SLC16A2: variants seen among roughly 807,000 people sequenced by gnomAD.
SLC16A2 encodes the protein monocarboxylate transporter 8.
SLC16A2 carries 3 observed loss-of-function variants against 27.2 expected under a neutral mutation model. That is an observed-to-expected ratio of 0.11 (90% CI 0.05 to 0.28). The LOEUF is 0.28. SLC16A2 is among the 10% of genes least tolerant of loss of function. SLC16A2 has a pLI of 1.00. For synonymous variants in SLC16A2, 202 were observed against 187.8 expected (o/e 1.08, Z -0.62); for missense variants, 295 against 458.5 (o/e 0.64, Z 3.26).
chrX:74,508,773 C>T (rs936759018), intron 1 of SLC16A2, among the ~76,000 whole-genome samples: 5 of 111,018 alleles, frequency 4.5e-5, no homozygotes, highest in African/African-American at 9.9e-5. Flanking sequence ...ACATGTGTCA[C>T]GGGGGTTTGT....
At chrX:74,484,998 C>T (rs1929688656) in intron 1 of SLC16A2, among the ~76,000 whole-genome samples, 1 of 111,539 alleles carries the variant, frequency 9.0e-6, no homozygotes, top group Admixed American at 9.5e-5. Flanking sequence ...GAGCAGATCA[C>T]CTGAGGTCGG....
At chrX:74,524,283 T>G (rs1406559416) in intron 2 of SLC16A2, 76 bp from the exon 3 acceptor site, 6 of 1,069,403 alleles carry the variant, frequency 5.6e-6, no homozygotes, top group Non-Finnish European at 7.8e-6. Flanking sequence ...AATGGAAGTC[T>G]CAGGAAGCTG....
At chrX:74,503,706 A>G (rs1926864) in intron 1 of SLC16A2, among the ~76,000 whole-genome samples, 17,774 of 111,149 alleles carry the variant, frequency 0.16, 1,796 homozygotes, top group East Asian at 0.85. Context: ...GTATCCTTGG[A>G]GAAGACATTC....
At chrX:74,464,837 A>G (rs1345086785) in intron 1 of SLC16A2, among the ~76,000 whole-genome samples, 1 of 111,570 alleles carries the variant, frequency 9.0e-6, no homozygotes, top group Admixed American at 9.6e-5. Context: ...TGGGCAACAT[A>G]GCAAGATCTC....
intron 1 of SLC16A2, among the ~76,000 whole-genome samples, chrX:74,476,523 C>G (rs1383134326): frequency 1.3e-4 from 14 of 111,628 alleles, no homozygotes; most frequent in Non-Finnish European, 2.4e-4. Flanking sequence ...TGTTGAATAG[C>G]AGTGGTGAGA....
intron 1 of SLC16A2, among the ~76,000 whole-genome samples, chrX:74,464,156 C>T (rs1929207263): frequency 1.8e-5 from 2 of 112,004 alleles, no homozygotes; most frequent in Non-Finnish European, 3.8e-5. Context: ...GTGTTGATAA[C>T]ACAGTTTGTC....
In SLC16A2 at chrX:74,491,254, C is replaced by T. The variant is rs370331619; in HGVS notation, c.431-29736C>T. ...TTTGGTTTTGTACATTTTAGAGGGG[C>T]ATGAAACATCAATCAAATACATTTA... On this transcript the variant is annotated intron_variant, in intron 1 of 5. Coordinates refer to ENST00000587091, the MANE Select transcript of SLC16A2 (RefSeq NM_006517.5). Among the ~76,000 whole-genome samples, 8 of 112,165 alleles carry T rather than the reference C, an allele frequency of 7.1e-5. No homozygotes were observed. In the East Asian group the frequency reaches 2.0e-3, roughly 28 times the overall value.
chrX:74,428,925 G>A (rs903319108), intron 1 of SLC16A2, among the ~76,000 whole-genome samples: 2 of 111,620 alleles, frequency 1.8e-5, no homozygotes, highest in Non-Finnish European at 3.8e-5. Flanking sequence ...AACTTCCAGA[G>A]ATTTCATACT....
intron 1 of SLC16A2, among the ~76,000 whole-genome samples, chrX:74,501,508 G>A (rs140778479): frequency 0.013 from 1,471 of 111,306 alleles, 22 homozygotes; most frequent in African/African-American, 0.046. Flanking sequence ...TTCATGGGGA[G>A]GTTGTAGAAG....
chrX:74,505,997 G>A (rs765020519), intron 1 of SLC16A2, among the ~76,000 whole-genome samples: 131 of 112,313 alleles, frequency 1.2e-3, no homozygotes, highest in African/African-American at 4.1e-3. Flanking sequence ...TCTGACTCCT[G>A]CTGCTTCTTC....
At chrX:74,511,142 T>C (rs1295636312) in intron 1 of SLC16A2, among the ~76,000 whole-genome samples, 1 of 111,278 alleles carries the variant, frequency 9.0e-6, no homozygotes, top group East Asian at 2.8e-4. Flanking sequence ...AGACAAAATG[T>C]GGAGAGATAA....
At chrX:74,492,479 A>C (rs1929847547) in intron 1 of SLC16A2, among the ~76,000 whole-genome samples, 1 of 110,549 alleles carries the variant, frequency 9.0e-6, no homozygotes, top group Non-Finnish European at 1.9e-5. Context: ...CCCTTGGGAG[A>C]CCATTGACCC....
chrX:74,467,977 A>AAG (rs1929284853), intron 1 of SLC16A2, among the ~76,000 whole-genome samples: 2 of 110,875 alleles, frequency 1.8e-5, no homozygotes, highest in African/African-American at 6.6e-5. Context: ...CCTCCAAACC[A>AAG]CTGTTCATGC....
intron 1 of SLC16A2, among the ~76,000 whole-genome samples, chrX:74,460,653 T>A (rs978873354): frequency 9.0e-6 from 1 of 110,847 alleles, no homozygotes; most frequent in Non-Finnish European, 1.9e-5. Context: ...TTCAGCAGGT[T>A]TTTTGTTTGT....
intron 1 of SLC16A2, among the ~76,000 whole-genome samples, chrX:74,469,376 A>T (rs1929309991): frequency 8.9e-6 from 1 of 111,742 alleles, no homozygotes; most frequent in Non-Finnish European, 1.9e-5. Context: ...TGGTAACTTG[A>T]TGTTTAATAT....
In SLC16A2 at chrX:74,532,775, C is replaced by T. The variant is rs1930590967; in HGVS notation, c.*1222C>T. 1 of 112,374 alleles carries T rather than the reference C, an allele frequency of 8.9e-6. No homozygotes were observed. Among genetic ancestry groups the T allele is most frequent in the Non-Finnish European group, 1.9e-5 (1 of 53,197 alleles). The allele number at this position is 112,374 out of a possible 1,213,427, so 9.3% of individuals were successfully genotyped here. ...GGGAAGCCATCCCAGCCTTTACCAC[C>T]CAATGTGTCTCCCATGCTGGGCATC... On this transcript the variant is annotated 3_prime_UTR_variant, in exon 6 of 6. Transcript: ENST00000587091.
Position 74,516,527 on chromosome X carries a change from C to T in SLC16A2, c.431-4463C>T, listed in dbSNP as rs374912316. On this transcript the variant is annotated intron_variant, in intron 1 of 5. Coordinates refer to ENST00000587091, the MANE Select transcript of SLC16A2 (RefSeq NM_006517.5). ...CACTCCTCTCCAACTAGTAACATGT[C>T]GACACCAATGATGTTGTATACATAT... is the stretch of plus-strand genomic sequence containing the variant. Among the ~76,000 whole-genome samples, 18 of 110,829 alleles carry T rather than the reference C, an allele frequency of 1.6e-4. No homozygotes were observed. The South Asian group carries it at 3.5e-3, about 21-fold the overall frequency.
At chrX:74,522,797 A>G (rs1361206096) in intron 2 of SLC16A2, among the ~76,000 whole-genome samples, 2 of 111,593 alleles carry the variant, frequency 1.8e-5, no homozygotes, top group Non-Finnish European at 3.8e-5. Flanking sequence ...TTTCTGTAAG[A>G]GGATCTTCAG....
At chrX:74,501,365 A>G (rs1206867829) in intron 1 of SLC16A2, among the ~76,000 whole-genome samples, 1 of 111,210 alleles carries the variant, frequency 9.0e-6, no homozygotes, top group Non-Finnish European at 1.9e-5. Context: ...TGGACATGCT[A>G]TTTACCTGGG....
Sources: allele counts gnomAD v4.1 joint callset (sites outside exome capture counted in the v4.1 genomes callset), GRCh38; gene constraint gnomAD v4.1.1; transcripts MANE v1.5; gene names NCBI Gene and HGNC (gene_info 2026-07-23, HGNC 2026-07-21).